METTL15: variants seen among roughly 807,000 people sequenced by gnomAD.
The protein encoded by METTL15 is methyltransferase 15, mitochondrial 12S rRNA N4-cytidine.
Under a neutral mutation model 38.3 loss-of-function variants are expected in METTL15, and 34 were observed. The observed-to-expected ratio is 0.89, with a 90% CI of 0.68 to 1.18. METTL15 has a LOEUF of 1.18. Ranked by LOEUF, METTL15 falls within the 50% of genes most tolerant of loss-of-function variation. METTL15 has a pLI of 0.00. For synonymous variants in METTL15, 162 were observed against 170.9 expected (o/e 0.95, Z 0.41); for missense variants, 438 against 498.4 (o/e 0.88, Z 1.15).
At chr11:28,409,752 C>T (rs1384112329) in intron 5 of METTL15, among the ~76,000 whole-genome samples, 6 of 151,674 alleles carry the variant, frequency 4.0e-5, no homozygotes, top group East Asian at 1.9e-4. Flanking sequence ...ACAGACTTAC[C>T]GCAAAGTTAG....
chr11:28,133,409 GAAA>G (rs1287445905), intron 3 of METTL15, among the ~76,000 whole-genome samples: 1 of 151,898 alleles, frequency 6.6e-6, no homozygotes, highest in East Asian at 1.9e-4. Context: ...GGAAGATTTT[GAAA>G]AAAATATATT....
chr11:28,235,413 C>T (rs913780353), intron 4 of METTL15, among the ~76,000 whole-genome samples: 3 of 151,824 alleles, frequency 2.0e-5, no homozygotes, highest in East Asian at 1.9e-4. Flanking sequence ...GCCATTTTCA[C>T]GATATTGATT....
At chr11:28,177,982 G>T (rs1742499456) in intron 3 of METTL15, among the ~76,000 whole-genome samples, 1 of 151,940 alleles carries the variant, frequency 6.6e-6, no homozygotes, top group Admixed American at 6.6e-5. Context: ...TTACATTGCT[G>T]ATTTGGTTGG....
intron 6 of METTL15, among the ~76,000 whole-genome samples, chr11:28,430,521 G>T (rs1445216218): frequency 4.3e-5 from 1 of 23,504 alleles, no homozygotes; most frequent in African/African-American, 1.7e-4. Flanking sequence ...CCCCCCACCC[G>T]GCCAGCCGCC....
intron 6 of METTL15, among the ~76,000 whole-genome samples, chr11:28,476,381 G>A (rs1258489306): frequency 6.6e-6 from 1 of 152,138 alleles, no homozygotes; most frequent in Non-Finnish European, 1.5e-5. Context: ...GACCCAGATG[G>A]TAGATAAGGC....
At chr11:28,398,099 G>C (rs947219229) in intron 5 of METTL15, among the ~76,000 whole-genome samples, 3 of 151,862 alleles carry the variant, frequency 2.0e-5, no homozygotes, top group Non-Finnish European at 4.4e-5. Context: ...GGGGTGGGGG[G>C]AGGTGGGAAG....
At chr11:28,190,522 A>ATT in intron 3 of METTL15, among the ~76,000 whole-genome samples, 1 of 151,396 alleles carries the variant, frequency 6.6e-6, no homozygotes, top group South Asian at 2.1e-4. Flanking sequence ...TTTTAGAATT[A>ATT]CAAATTATTT....
At chr11:28,337,985 C>A (rs1289661565), downstream of METTL15, among the ~76,000 whole-genome samples, 1 of 152,106 alleles carries the variant, frequency 6.6e-6, no homozygotes, top group African/African-American at 2.4e-5. Flanking sequence ...CTAATTCCCA[C>A]CCCCTTAACT....
intron 3 of METTL15, among the ~76,000 whole-genome samples, chr11:28,207,900 G>A (rs917442814): frequency 2.6e-5 from 4 of 152,156 alleles, no homozygotes; most frequent in African/African-American, 9.7e-5. Flanking sequence ...TTTGCATAGA[G>A]GTGTTTGTAA....
intron 3 of METTL15, among the ~76,000 whole-genome samples, chr11:28,158,952 A>G (rs557426095): frequency 7.9e-4 from 120 of 152,186 alleles, no homozygotes; most frequent in African/African-American, 2.8e-3. Flanking sequence ...TGTTTCTCCC[A>G]TAGCCGGGAT....
chr11:28,489,037 T>C (rs1445840677), intron 6 of METTL15, among the ~76,000 whole-genome samples: 3 of 152,170 alleles, frequency 2.0e-5, no homozygotes, highest in Non-Finnish European at 4.4e-5. Flanking sequence ...CATGGCACTT[T>C]TCCTTCTGAG....
intron 6 of METTL15, among the ~76,000 whole-genome samples, chr11:28,504,230 A>G (rs1009540069): frequency 6.6e-6 from 1 of 151,740 alleles, no homozygotes; most frequent in African/African-American, 2.4e-5. Context: ...AGAGGGAGAA[A>G]AGAAAAAAAA....
intron 3 of METTL15, among the ~76,000 whole-genome samples, chr11:28,159,067 T>C (rs182206132): frequency 2.6e-5 from 4 of 152,244 alleles, no homozygotes; most frequent in South Asian, 2.1e-4. Context: ...GCGACATTAC[T>C]TTCTGCTGGC....
intron 1 of METTL15, among the ~76,000 whole-genome samples, chr11:28,109,359 T>C (rs1851618986): frequency 6.6e-6 from 1 of 152,236 alleles, no homozygotes; most frequent in South Asian, 2.1e-4. Context: ...GAGATGTCTT[T>C]ATTTCCAGTA....
intron 4 of METTL15, among the ~76,000 whole-genome samples, chr11:28,271,443 A>T (rs571953935): frequency 6.6e-6 from 1 of 152,252 alleles, no homozygotes; most frequent in South Asian, 2.1e-4. Flanking sequence ...GTTGATACTA[A>T]TATTCTCAAC....
chr11:28,321,074 G>A (rs1209369211), intron 6 of METTL15, among the ~76,000 whole-genome samples: 1 of 152,154 alleles, frequency 6.6e-6, no homozygotes, highest in Non-Finnish European at 1.5e-5. Flanking sequence ...CAGGCTGAAA[G>A]TAGAATAAGC....
chr11:28,141,548 G>T (rs1246048878), intron 3 of METTL15, among the ~76,000 whole-genome samples: 1 of 151,856 alleles, frequency 6.6e-6, no homozygotes, highest in Non-Finnish European at 1.5e-5. Flanking sequence ...AATTATTCTG[G>T]CGTGGTGGCA....
At chr11:28,470,910 A>G (rs1245200973) in intron 6 of METTL15, among the ~76,000 whole-genome samples, 1 of 152,224 alleles carries the variant, frequency 6.6e-6, no homozygotes, top group African/African-American at 2.4e-5. Context: ...CTTATTATCT[A>G]CTTTGGTTTA....
At chr11:28,381,553 T>C (rs1344077021) in intron 5 of METTL15, among the ~76,000 whole-genome samples, 1 of 152,150 alleles carries the variant, frequency 6.6e-6, no homozygotes, top group Non-Finnish European at 1.5e-5. Context: ...TTTTTCATTC[T>C]TTTTTCTTTT....
Sources: gnomAD v4.1 joint callset for allele counts (sites outside exome capture counted in the v4.1 genomes callset) on GRCh38, gnomAD v4.1.1 for gene constraint, MANE v1.5 for transcripts, NCBI Gene and HGNC (gene_info 2026-07-23, HGNC 2026-07-21) for gene names.